PAK5: variants seen among roughly 807,000 people sequenced by gnomAD.
PAK5 encodes the protein serine/threonine-protein kinase PAK 5.
PAK5 carries 16 observed loss-of-function variants against 65.9 expected under a neutral mutation model. That is an observed-to-expected ratio of 0.24 (90% CI 0.16 to 0.37). The LOEUF (loss-of-function observed/expected upper bound fraction) is 0.37, where lower values mean the gene tolerates loss of function less well. PAK5 is among the 10% of genes least tolerant of loss of function. The pLI is 1.00. For synonymous variants in PAK5, 371 were observed against 354.9 expected (o/e 1.05, Z -0.51); for missense variants, 785 against 903.9 (o/e 0.87, Z 1.69).
At chr20:9,748,024 T>C (rs1346921490) in intron 1 of PAK5, among the ~76,000 whole-genome samples, 1 of 152,128 alleles carries the variant, frequency 6.6e-6, no homozygotes, top group Admixed American at 6.6e-5. Flanking sequence ...AAATCACAAG[T>C]ATTCTTATAC....
intron 7 of PAK5, among the ~76,000 whole-genome samples, chr20:9,550,939 T>C (rs555163033): frequency 7.2e-5 from 11 of 152,192 alleles, no homozygotes; most frequent in South Asian, 4.2e-4. Context: ...TAGTGTGGGT[T>C]TCTCTTTGCT....
At chr20:9,657,318 A>G (rs2047281761) in intron 2 of PAK5, among the ~76,000 whole-genome samples, 1 of 152,136 alleles carries the variant, frequency 6.6e-6, no homozygotes. Flanking sequence ...TGTTCCATGT[A>G]TCAATAGTTC....
At chr20:9,624,984 C>A (rs1346048588) in intron 3 of PAK5, among the ~76,000 whole-genome samples, 3 of 152,166 alleles carry the variant, frequency 2.0e-5, no homozygotes, top group Non-Finnish European at 4.4e-5. Context: ...TATAACTGGG[C>A]ATAAAATAGA....
At chr20:9,631,333 T>C (rs1257083245) in intron 3 of PAK5, among the ~76,000 whole-genome samples, 2 of 152,212 alleles carry the variant, frequency 1.3e-5, no homozygotes, top group African/African-American at 2.4e-5. Flanking sequence ...TGATGGAATG[T>C]CACTCTCATG....
intron 1 of PAK5, among the ~76,000 whole-genome samples, chr20:9,827,857 A>G (rs1460040880): frequency 6.6e-6 from 1 of 152,126 alleles, no homozygotes; most frequent in African/African-American, 2.4e-5. Flanking sequence ...TTAGAGACAG[A>G]GTCTTGCTTT....
At chr20:9,820,629 TC>T (rs1410462762) in intron 1 of PAK5, among the ~76,000 whole-genome samples, 4 of 152,206 alleles carry the variant, frequency 2.6e-5, no homozygotes, top group Admixed American at 1.3e-4. Context: ...TTTAGCCTCT[TC>T]CTTCCTGCCT....
At chr20:9,677,147 T>C (rs2047586177) in intron 2 of PAK5, among the ~76,000 whole-genome samples, 2 of 152,062 alleles carry the variant, frequency 1.3e-5, no homozygotes, top group Admixed American at 6.6e-5. Flanking sequence ...TTTTTAAAAA[T>C]TTAAAGCAAT....
chr20:9,573,036 T>C (rs1259209225), intron 4 of PAK5, among the ~76,000 whole-genome samples: 3 of 152,094 alleles, frequency 2.0e-5, no homozygotes, highest in Non-Finnish European at 4.4e-5. Context: ...GAAGGAATTC[T>C]CTCTACAGGA....
At chr20:9,681,644 GTAAGAGCCTTGGAATTGCATT>G (rs1323757478) in intron 2 of PAK5, among the ~76,000 whole-genome samples, 1 of 151,998 alleles carries the variant, frequency 6.6e-6, no homozygotes, top group Admixed American at 6.6e-5. Context: ...CCTGTTCAAT[GTAAGAGCCTTGGAATTGCATT>G]TGCTTCATAC....
rs554817814 is a variant in PAK5, at chr20:9,819,807, T to C, written c.-162+18955A>G. ...ACTGGCACATGACCCACAAATGTTATATTAGAACTACTGAAATTCAATCCT... is the reference window on the plus strand; with the variant it reads ...ACTGGCACATGACCCACAAATGTTACATTAGAACTACTGAAATTCAATCCT... On this transcript the variant is annotated intron_variant, in intron 1 of 9. Coordinates refer to ENST00000353224, the MANE Select transcript of PAK5 (RefSeq NM_177990.4). Among the ~76,000 whole-genome samples, 4 of 152,278 alleles carry C rather than the reference T, an allele frequency of 2.6e-5. No homozygotes were observed. The South Asian group carries it at 8.3e-4, about 32-fold the overall frequency.
chr20:9,564,662 T>C (rs2045644565), intron 5 of PAK5, among the ~76,000 whole-genome samples: 1 of 152,120 alleles, frequency 6.6e-6, no homozygotes, highest in African/African-American at 2.4e-5. Context: ...GTACATATCA[T>C]TTGATCTGTT....
chr20:9,685,050 T>C (rs576799761), intron 2 of PAK5, among the ~76,000 whole-genome samples: 13 of 152,344 alleles, frequency 8.5e-5, no homozygotes, highest in African/African-American at 2.9e-4. Context: ...TTCTTGAATA[T>C]AGCTTGATTC....
intron 1 of PAK5, among the ~76,000 whole-genome samples, chr20:9,802,003 G>A (rs897118792): frequency 5.9e-5 from 9 of 152,134 alleles, no homozygotes; most frequent in Non-Finnish European, 7.4e-5. Flanking sequence ...GGCTGATTTT[G>A]CTTGATCACA....
chr20:9,690,606 T>C (rs943514430), intron 2 of PAK5, among the ~76,000 whole-genome samples: 3 of 151,972 alleles, frequency 2.0e-5, no homozygotes, highest in African/African-American at 7.3e-5. Flanking sequence ...ACCTCAGAGT[T>C]GATACCACTG....
chr20:9,589,424 G>A (rs1031287123), intron 3 of PAK5, among the ~76,000 whole-genome samples: 1 of 152,056 alleles, frequency 6.6e-6, no homozygotes. Flanking sequence ...ATTTTCACTC[G>A]CTATTACCAA....
chr20:9,562,407 C>A (rs2045604569), intron 6 of PAK5, among the ~76,000 whole-genome samples: 1 of 152,150 alleles, frequency 6.6e-6, no homozygotes, highest in Non-Finnish European at 1.5e-5. Flanking sequence ...TGGTAATTAA[C>A]CATCGTTACT....
At chr20:9,754,037 T>A (rs2048605484) in intron 1 of PAK5, among the ~76,000 whole-genome samples, 2 of 152,158 alleles carry the variant, frequency 1.3e-5, no homozygotes. Context: ...CTAAGATGCC[T>A]TTTTGCAAAG....
chr20:9,680,949 A>G (rs1311094535), intron 2 of PAK5, among the ~76,000 whole-genome samples: 1 of 152,238 alleles, frequency 6.6e-6, no homozygotes, highest in African/African-American at 2.4e-5. Flanking sequence ...TAAGTTTGCA[A>G]ACTATTTTGT....
intron 1 of PAK5, among the ~76,000 whole-genome samples, chr20:9,771,096 A>T (rs1297388604): frequency 6.6e-6 from 1 of 152,206 alleles, no homozygotes; most frequent in East Asian, 1.9e-4. Flanking sequence ...AGCAATGACC[A>T]ATCTTCATAA....
Sources: gnomAD v4.1 joint callset for allele counts (sites outside exome capture counted in the v4.1 genomes callset) on GRCh38, gnomAD v4.1.1 for gene constraint, MANE v1.5 for transcripts, NCBI Gene and HGNC (gene_info 2026-07-23, HGNC 2026-07-21) for gene names.